The following POU2F1 variants were observed in gnomAD, a reference collection of about 807,000 sequenced individuals.
POU2F1 encodes the protein POU class 2 homeobox 1.
Under a neutral mutation model 84.9 loss-of-function variants are expected in POU2F1, and 16 were observed. That is an observed-to-expected ratio of 0.19 (90% confidence interval 0.13 to 0.29). The LOEUF is 0.29. Among genes scored for constraint, POU2F1 ranks in the 10% least tolerant of loss-of-function variants. The probability of loss-of-function intolerance (pLI) is 1.00; values close to 1 mark genes in which losing one functional copy is unlikely to be tolerated. For missense variants in POU2F1, 738 were observed against 942.6 expected (o/e 0.78, Z 2.84); for synonymous variants, 368 against 368.3 (o/e 1.00, Z 0.01).
rs1199692363 is a variant in POU2F1, at chr1:167,398,075, A to G, written c.1211A>G (p.Lys404Arg). ...PGIEGLSRRR[K>R]KRTSIETNIR... ...ATTGAGGGCTTGAGCCGTAGGAGGA[A>G]GAAACGCACCAGCATAGAGACCAAC... is the stretch of plus-strand genomic sequence containing the variant. Residue 404 changes from lysine (K) to arginine (R), a missense_variant, in exon 11 of 16, where the codon AAG (lysine) becomes AGG (arginine). By Grantham distance (26) the Lys-to-Arg change is conservative. Transcript: ENST00000367866. 1.9e-6 allele frequency: 3 copies of G among 1,614,042 alleles called. No homozygotes were observed. The highest frequency in any genetic ancestry group is 1.1e-5 in the South Asian group (1 of 91,088).
In POU2F1 at chr1:167,339,646, A is replaced by G. The variant is rs560729701; in HGVS notation, c.127+7111A>G. On this transcript the variant is annotated intron_variant, in intron 2 of 15. Coordinates refer to ENST00000367866, the MANE Select transcript of POU2F1 (RefSeq NM_002697.4). ...GGGTTCATGCACTGACACAGAACACAGTACTTTCTAGTGTTATCTGTTCTC... is the reference window on the plus strand; with the variant it reads ...GGGTTCATGCACTGACACAGAACACGGTACTTTCTAGTGTTATCTGTTCTC... Among the ~76,000 whole-genome samples the G allele has an allele frequency of 5.6e-4, 86 of 152,358 alleles. 2 individuals carry two copies. In the South Asian group the frequency reaches 0.017, roughly 31 times the overall value.
At chr1:167,223,146 A>C (rs1318343139) in intron 1 of POU2F1, among the ~76,000 whole-genome samples, 3 of 152,202 alleles carry the variant, frequency 2.0e-5, no homozygotes, top group Non-Finnish European at 4.4e-5. Flanking sequence ...TACTGAAAAC[A>C]AAAAAATGGG....
intron 1 of POU2F1, among the ~76,000 whole-genome samples, chr1:167,300,476 AT>A (rs1654608454): frequency 6.6e-6 from 1 of 152,000 alleles, no homozygotes; most frequent in Non-Finnish European, 1.5e-5. Context: ...TTTTTTATTT[AT>A]TTTTTTGAGA....
chr1:167,287,745 A>G (rs1266205807), intron 1 of POU2F1, among the ~76,000 whole-genome samples: 1 of 152,202 alleles, frequency 6.6e-6, no homozygotes, highest in African/African-American at 2.4e-5. Context: ...GTTTAAATAC[A>G]TACTGGCTGA....
intron 13 of POU2F1, among the ~76,000 whole-genome samples, chr1:167,411,164 C>T (rs538534775): frequency 3.9e-5 from 6 of 151,920 alleles, no homozygotes; most frequent in Middle Eastern, 3.4e-3. Context: ...CTTAGCCTCC[C>T]GAGTAGCTGG....
intron 1 of POU2F1, among the ~76,000 whole-genome samples, chr1:167,290,313 ATTGAACCCAGGAGT>A (rs1023627016): frequency 2.0e-5 from 3 of 152,088 alleles, no homozygotes; most frequent in African/African-American, 7.2e-5. Context: ...GAGAGGATTG[ATTGAACCCAGGAGT>A]TTGAGCCTGC....
intron 1 of POU2F1, among the ~76,000 whole-genome samples, chr1:167,318,820 G>A (rs959241213): frequency 2.6e-5 from 4 of 152,126 alleles, no homozygotes; most frequent in African/African-American, 9.7e-5. Flanking sequence ...TATCATTAGT[G>A]TATACCTCCA....
chr1:167,357,185 G>A (rs2101804488), intron 2 of POU2F1, among the ~76,000 whole-genome samples: 1 of 152,186 alleles, frequency 6.6e-6, no homozygotes, highest in East Asian at 1.9e-4. Context: ...CCCTGCTCAT[G>A]CCTGTCTACC....
intron 7 of POU2F1, among the ~76,000 whole-genome samples, chr1:167,377,813 C>T (rs952380186): frequency 5.9e-5 from 9 of 152,138 alleles, no homozygotes; most frequent in African/African-American, 1.9e-4. Flanking sequence ...GATTCTCATC[C>T]TCCTCCCACC....
intron 8 of POU2F1, among the ~76,000 whole-genome samples, chr1:167,387,904 AAAG>A (rs1473385249): frequency 6.6e-6 from 1 of 152,270 alleles, no homozygotes; most frequent in Non-Finnish European, 1.5e-5. Context: ...AATATTCAAC[AAAG>A]AAGAAGCTAG....
intron 1 of POU2F1, among the ~76,000 whole-genome samples, chr1:167,288,261 T>C (rs547974458): frequency 1.8e-4 from 24 of 134,300 alleles, no homozygotes; most frequent in Non-Finnish European, 2.9e-4. Context: ...AACAGATATA[T>C]TATTCACCAG....
In POU2F1 at chr1:167,412,124, C is replaced by T. The variant is rs1466424887; in HGVS notation, c.1721C>T (p.Thr574Ile). Residue 574 changes from threonine (T) to isoleucine (I), a missense_variant, in exon 14 of 16, where the codon ACT becomes ATT. Thr to Ile is a moderately conservative substitution (Grantham distance 89, BLOSUM62 -1). This residue lies in a region of POU2F1 where 319 missense variants were observed against 386.0 expected (regional missense o/e 0.83). Transcript: ENST00000367866. ...ACCAGCACAACACAGACCACCTCCA[C>T]TCCTTTGTCCTCCCCTCTTGGGACC... Reference protein sequence around the residue: ...SETSTTQTTSTPLSSPLGTSQ... With the variant: ...SETSTTQTTSIPLSSPLGTSQ... 6.2e-7 allele frequency: 1 copy of T among 1,614,100 alleles called. No individual in the cohort carries two copies. Among genetic ancestry groups the T allele is most frequent in the Non-Finnish European group, 8.5e-7 (1 of 1,180,048 alleles).
In POU2F1 at chr1:167,365,613, C is replaced by T. The variant is rs754945709; in HGVS notation, c.228+46C>T. ...CATCAGTGAGAGTGAAAGATAGAGGCGTAAAGTACTGGGGCCTGAGGAAGT... is the reference window on the plus strand; with the variant it reads ...CATCAGTGAGAGTGAAAGATAGAGGTGTAAAGTACTGGGGCCTGAGGAAGT... On this transcript the variant is annotated intron_variant, in intron 3 of 15. Coordinates refer to ENST00000367866, the MANE Select transcript of POU2F1 (RefSeq NM_002697.4). The T allele has an allele frequency of 7.8e-6, 11 of 1,406,150 alleles. No individual in the cohort carries two copies. The South Asian group carries it at 9.1e-5, about 12-fold the overall frequency. The allele number at this position is 1,406,150 out of a possible 1,614,324, so 87.1% of individuals were successfully genotyped here.
intron 2 of POU2F1, chr1:167,357,359 T>TCCCCCCCC (rs1557922148): frequency 4.6e-5 from 1 of 21,870 alleles, no homozygotes; most frequent in Non-Finnish European, 8.3e-5. Flanking sequence ...CCCCCACGCC[T>TCCCCCCCC]CCCCCCCCAC....
Position 167,422,757 on chromosome 1 carries a change from C to T in POU2F1, c.*6947C>T, listed in dbSNP as rs1650721929. The T allele has an allele frequency of 6.6e-6, 1 of 152,180 alleles. No homozygotes were observed. The highest frequency in any genetic ancestry group is 1.5e-5 in the Non-Finnish European group (1 of 68,030). 9.4% of individuals were successfully genotyped at this position (152,180 alleles called of 1,614,324 possible). ...GGATTTGGTTTAGATACCAAAGACA[C>T]TGCTAATGTCATTGCTTATCCTTAA... On this transcript the variant is annotated 3_prime_UTR_variant, in exon 16 of 16. Transcript: ENST00000367866.
chr1:167,389,499 T>C (rs1482808345), intron 8 of POU2F1, 89 bp from the exon 9 acceptor site: 3 of 1,397,202 alleles, frequency 2.1e-6, no homozygotes, highest in Admixed American at 1.9e-5. Flanking sequence ...TATCCATAAA[T>C]GTGGCTCTTT....
At chr1:167,375,937 G>T in intron 6 of POU2F1, 92 bp from the exon 7 acceptor site, 1 of 1,419,022 alleles carries the variant, frequency 7.0e-7, no homozygotes, top group Non-Finnish European at 9.8e-7. Context: ...TTCTTTATTT[G>T]GATGTGACAG....
intron 2 of POU2F1, among the ~76,000 whole-genome samples, chr1:167,358,122 C>CTTTTTTTTT (rs763521021): frequency 3.1e-5 from 3 of 97,192 alleles, no homozygotes; most frequent in African/African-American, 8.7e-5. Context: ...TTTTTCTTTT[C>CTTTTTTTTT]TTTTTTTTTT....
chr1:167,232,910 T>G (rs1649170692), intron 1 of POU2F1, among the ~76,000 whole-genome samples: 1 of 152,018 alleles, frequency 6.6e-6, no homozygotes, highest in African/African-American at 2.4e-5. Flanking sequence ...TTTTCTCTTA[T>G]AAATTTAGTG....
Sources: allele counts gnomAD v4.1 joint callset (sites outside exome capture counted in the v4.1 genomes callset), GRCh38; gene constraint gnomAD v4.1.1; regional missense constraint gnomAD v4.1.1; transcripts MANE v1.5; gene names NCBI Gene and HGNC (gene_info 2026-07-23, HGNC 2026-07-21).